Variants in GRID2 observed in about 807,000 individuals in gnomAD.
GRID2 encodes the protein glutamate ionotropic receptor delta type subunit 2.
GRID2 carries 33 observed loss-of-function variants against 114.8 expected under a neutral mutation model. The observed-to-expected ratio is 0.29, with a 90% CI of 0.22 to 0.38. The LOEUF (loss-of-function observed/expected upper bound fraction) is 0.38. Ranked by LOEUF, GRID2 falls within the 10% of genes least tolerant of loss-of-function variation. The probability of loss-of-function intolerance (pLI) is 1.00; values close to 1 mark genes in which losing one functional copy is unlikely to be tolerated. For synonymous variants in GRID2, 505 were observed against 449.9 expected, an observed-to-expected ratio of 1.12 and a Z score of -1.55; for missense variants, 1,184 against 1,257.7, an observed-to-expected ratio of 0.94 and a Z score of 0.89.
chr4:92,916,499 A>C (rs1023723499), intron 2 of GRID2, among the ~76,000 whole-genome samples: 2 of 151,984 alleles, frequency 1.3e-5, no homozygotes, highest in African/African-American at 2.4e-5. Context: ...TCCTAATGCT[A>C]TGCCTCCCCC....
chr4:93,435,804 C>A lies in GRID2; in HGVS notation c.1545+12836C>A, dbSNP rs988749654. The stretch of plus-strand genomic sequence containing the variant: ...TCTCTTAACAACTATGGATATACCT[C>A]TTTGGAGCTATCCAAATGGAAAATG... On this transcript the variant is annotated intron_variant, in intron 10 of 15. Transcript: ENST00000282020. Among the ~76,000 whole-genome samples, 5 of 152,274 alleles carry A rather than the reference C, an allele frequency of 3.3e-5. No homozygotes were observed. The East Asian group carries it at 9.7e-4, about 30-fold the overall frequency.
At chr4:92,613,705 T>C (rs1255577484) in intron 2 of GRID2, among the ~76,000 whole-genome samples, 2 of 151,504 alleles carry the variant, frequency 1.3e-5, no homozygotes, top group Non-Finnish European at 3.0e-5. Context: ...TTTATAATCC[T>C]GTCTTGTTGG....
At chr4:93,241,350 T>C (rs1000753771) in intron 8 of GRID2, among the ~76,000 whole-genome samples, 4 of 151,696 alleles carry the variant, frequency 2.6e-5, no homozygotes, top group African/African-American at 7.3e-5. Context: ...TGATGTTGAA[T>C]GGAAATAACA....
At chr4:93,202,938 A>T (rs1033918515) in intron 4 of GRID2, among the ~76,000 whole-genome samples, 1 of 151,684 alleles carries the variant, frequency 6.6e-6, no homozygotes, top group Non-Finnish European at 1.5e-5. Context: ...GTTTCACTGA[A>T]TATATATATA....
At position 92,670,266 on chromosome 4, in the gene GRID2, G is replaced by A. The variant is rs147200778; in HGVS notation, c.244+79980G>A. ...TCATTTTACATTTATTAAACGTTCC[G>A]CATACTATTATGTTGTCATTAGGTA... On this transcript the variant is annotated intron_variant, in intron 2 of 15. Transcript: ENST00000282020. Among the ~76,000 whole-genome samples the A allele has an allele frequency of 5.1e-3, 776 of 151,968 alleles. 2 individuals are homozygous for A. Among genetic ancestry groups the A allele is most frequent in the East Asian group, 0.029 (151 of 5,172 alleles).
chr4:93,709,100 T>C (rs557028095), intron 14 of GRID2, among the ~76,000 whole-genome samples: 31 of 152,164 alleles, frequency 2.0e-4, no homozygotes, highest in Non-Finnish European at 3.7e-4. Flanking sequence ...TCTTTCATCT[T>C]TCTACTCAAG....
At chr4:93,330,006 T>C (rs733941) in intron 8 of GRID2, among the ~76,000 whole-genome samples, 12,174 of 152,118 alleles carry the variant, frequency 0.08, 668 homozygotes, top group African/African-American at 0.14. Flanking sequence ...AAACTGGCCA[T>C]AAAATATTAT....
intron 2 of GRID2, among the ~76,000 whole-genome samples, chr4:93,078,420 T>C (rs1729529208): frequency 6.6e-6 from 1 of 151,920 alleles, no homozygotes; most frequent in Non-Finnish European, 1.5e-5. Context: ...ATTATACTCT[T>C]GCCTATTTTG....
intron 2 of GRID2, among the ~76,000 whole-genome samples, chr4:92,794,660 A>C (rs989742809): frequency 6.6e-6 from 1 of 151,520 alleles, no homozygotes; most frequent in Non-Finnish European, 1.5e-5. Flanking sequence ...CTGGTGAGTG[A>C]AAAAAGAAAA....
chr4:92,441,060 A>G (rs1308156222), intron 1 of GRID2, among the ~76,000 whole-genome samples: 1 of 152,188 alleles, frequency 6.6e-6, no homozygotes, highest in East Asian at 1.9e-4. Flanking sequence ...GCATGCAGAC[A>G]TGAGGGCTAG....
At chr4:93,052,450 G>T (rs1442380505) in intron 2 of GRID2, among the ~76,000 whole-genome samples, 3 of 151,870 alleles carry the variant, frequency 2.0e-5, no homozygotes, top group Non-Finnish European at 2.9e-5. Flanking sequence ...GCCCATTATT[G>T]CCAGGGTTAT....
chr4:92,430,712 A>G (rs1439691238), intron 1 of GRID2, among the ~76,000 whole-genome samples: 1 of 152,140 alleles, frequency 6.6e-6, no homozygotes, highest in Non-Finnish European at 1.5e-5. Context: ...GGACTTTTAA[A>G]CAATATTGAT....
At chr4:92,410,082 G>C (rs1322723111) in intron 1 of GRID2, among the ~76,000 whole-genome samples, 1 of 152,082 alleles carries the variant, frequency 6.6e-6, no homozygotes, top group Admixed American at 6.6e-5. Flanking sequence ...CCTATTTCAA[G>C]GCTATGCTAC....
At chr4:93,373,270 C>G (rs1323759516) in intron 8 of GRID2, among the ~76,000 whole-genome samples, 2 of 151,880 alleles carry the variant, frequency 1.3e-5, no homozygotes, top group Non-Finnish European at 2.9e-5. Context: ...TTTTGTTATC[C>G]TCTCTCTTCT....
chr4:92,893,944 G>T (rs1318752191), intron 2 of GRID2, among the ~76,000 whole-genome samples: 2 of 152,156 alleles, frequency 1.3e-5, no homozygotes, highest in Admixed American at 6.5e-5. Flanking sequence ...GGATCCTTCA[G>T]TGTCTAGGCC....
intron 1 of GRID2, among the ~76,000 whole-genome samples, chr4:92,343,788 G>C (rs191812488): frequency 6.6e-6 from 1 of 152,136 alleles, no homozygotes; most frequent in Non-Finnish European, 1.5e-5. Context: ...TGGCCAGTCT[G>C]GTCTTGAACT....
Position 92,704,701 on chromosome 4 carries a change from A to ATCTCTCTCTCTC in GRID2, c.244+114425_244+114436dup, listed in dbSNP as rs778705188. 9.7e-5 allele frequency among the ~76,000 whole-genome samples: 11 copies of ATCTCTCTCTCTC among 113,700 alleles called. No homozygotes were observed. The South Asian group carries it at 1.7e-3, about 18-fold the overall frequency. The allele number at this position is 113,700 out of a possible 152,430, so 74.6% of individuals were successfully genotyped here. Reference sequence around the variant, plus strand: ...TCTTTTCTCCCCAATCAATCAATCAATCTCTCTCTCTCTCTCTCTCTTTCT... The same window carrying ATCTCTCTCTCTC: ...TCTTTTCTCCCCAATCAATCAATCAATCTCTCTCTCTCTCTCTCTCTCTCTCTCTCTCTTTCT... On this transcript the variant is annotated intron_variant, in intron 2 of 15. Transcript: ENST00000282020.
intron 14 of GRID2, among the ~76,000 whole-genome samples, chr4:93,711,038 G>A (rs776194394): frequency 1.3e-5 from 2 of 151,948 alleles, no homozygotes; most frequent in Non-Finnish European, 2.9e-5. Context: ...GCTAAGGCCT[G>A]GAATCAGGGA....
chr4:92,874,553 C>T (rs1332738720), intron 2 of GRID2, among the ~76,000 whole-genome samples: 2 of 152,098 alleles, frequency 1.3e-5, no homozygotes, highest in Non-Finnish European at 2.9e-5. Context: ...AAAGAGTACT[C>T]AATTATTTTC....
Sources: allele counts gnomAD v4.1 joint callset (sites outside exome capture counted in the v4.1 genomes callset), GRCh38; gene constraint gnomAD v4.1.1; transcripts MANE v1.5; gene names NCBI Gene and HGNC (gene_info 2026-07-23, HGNC 2026-07-21).